FOXP2: variants seen among roughly 807,000 people sequenced by gnomAD.
FOXP2 encodes the protein forkhead box protein P2.
In FOXP2, 12 loss-of-function variants were observed where a neutral mutation model predicts 115.8. That is an observed-to-expected ratio of 0.10 (90% CI 0.07 to 0.17). The LOEUF (loss-of-function observed/expected upper bound fraction) is 0.17. Among genes scored for constraint, FOXP2 ranks in the 10% least tolerant of loss-of-function variants. FOXP2 has a pLI of 1.00. For missense variants in FOXP2, 629 were observed against 843.5 expected (o/e 0.75, Z 3.15); for synonymous variants, 328 against 297.7 (o/e 1.10, Z -1.05).
intron 1 of FOXP2, among the ~76,000 whole-genome samples, chr7:114,242,752 C>A (rs1217696629): frequency 6.6e-6 from 1 of 152,132 alleles, no homozygotes; most frequent in Non-Finnish European, 1.5e-5. Flanking sequence ...AAAGAACAGA[C>A]TCTCCTCTCT....
At chr7:114,186,882 C>T (rs1020791832) in intron 1 of FOXP2, among the ~76,000 whole-genome samples, 10 of 152,112 alleles carry the variant, frequency 6.6e-5, no homozygotes, top group Non-Finnish European at 1.2e-4. Flanking sequence ...AGCCATGACT[C>T]GGGGAGCCGA....
intron 2 of FOXP2, among the ~76,000 whole-genome samples, chr7:114,498,107 A>T (rs1797403583): frequency 6.6e-6 from 1 of 152,192 alleles, no homozygotes; most frequent in Non-Finnish European, 1.5e-5. Context: ...CACCTCTCAG[A>T]ATCCGTTGCT....
At chr7:114,270,159 T>A (rs1340300699) in intron 1 of FOXP2, among the ~76,000 whole-genome samples, 1 of 152,190 alleles carries the variant, frequency 6.6e-6, no homozygotes, top group African/African-American at 2.4e-5. Flanking sequence ...ATAACTCATT[T>A]CTTTTAGTGC....
chr7:114,507,035 C>T (rs1185204871), intron 2 of FOXP2, among the ~76,000 whole-genome samples: 1 of 151,702 alleles, frequency 6.6e-6, no homozygotes, highest in African/African-American at 2.4e-5. Flanking sequence ...CTATATTTAA[C>T]AATCTTTAAT....
chr7:114,330,201 T>A lies in FOXP2; in HGVS notation c.-11+42092T>A, dbSNP rs138762755. On this transcript the variant is annotated intron_variant, in intron 2 of 17. Coordinates refer to the FOXP2 transcript ENST00000634411. ...ACTTATTTTAAAATATTATTAGAGT[T>A]AAGGTTTAATATAGAATGGCTATTT... 4.0e-3 allele frequency among the ~76,000 whole-genome samples: 615 copies of A among 152,230 alleles called. 7 individuals carry two copies. The highest frequency in any genetic ancestry group is 0.014 in the African/African-American group (588 of 41,526).
intron 3 of FOXP2, among the ~76,000 whole-genome samples, chr7:114,595,596 G>A (rs965850945): frequency 6.6e-6 from 1 of 152,144 alleles, no homozygotes; most frequent in South Asian, 2.1e-4. Flanking sequence ...ATAGAGGTAA[G>A]TTGTTTGTAA....
At chr7:114,373,202 A>G (rs564401202) in intron 2 of FOXP2, among the ~76,000 whole-genome samples, 99 of 152,106 alleles carry the variant, frequency 6.5e-4, no homozygotes, top group African/African-American at 2.3e-3. Flanking sequence ...TTGTATTTTT[A>G]GTAGAGATGG....
Position 114,430,665 on chromosome 7 carries a change from A to T in FOXP2, c.168+3986A>T, listed in dbSNP as rs78768002. Among the ~76,000 whole-genome samples the T allele has an allele frequency of 8.1e-3, 1,238 of 151,910 alleles. 41 individuals are homozygous for T. In the East Asian group the frequency reaches 0.095, roughly 12 times the overall value. The stretch of plus-strand genomic sequence containing the variant: ...CTTTGGCATATTGGATTTATTGTTC[A>T]TTGTACTGTTGTTCAGAAAATTACA... On this transcript the variant is annotated intron_variant, in intron 2 of 16. Coordinates refer to ENST00000350908, the MANE Select transcript of FOXP2 (RefSeq NM_014491.4).
At chr7:114,387,572 C>T (rs750034858) in intron 2 of FOXP2, among the ~76,000 whole-genome samples, 15 of 152,012 alleles carry the variant, frequency 9.9e-5, no homozygotes, top group South Asian at 2.1e-4. Flanking sequence ...CTTTTTACAA[C>T]GTGTCTAACA....
chr7:114,567,094 T>C (rs1045110024), intron 3 of FOXP2, among the ~76,000 whole-genome samples: 2 of 152,130 alleles, frequency 1.3e-5, no homozygotes, highest in East Asian at 1.9e-4. Flanking sequence ...TACTGATAAG[T>C]TGAAGACAGA....
At chr7:114,221,092 A>G (rs906379219) in intron 1 of FOXP2, among the ~76,000 whole-genome samples, 7 of 152,152 alleles carry the variant, frequency 4.6e-5, no homozygotes, top group African/African-American at 1.7e-4. Context: ...TCTGTCACCA[A>G]TCTTTGGTTA....
chr7:114,392,958 G>A (rs1792640857), intron 2 of FOXP2, among the ~76,000 whole-genome samples: 1 of 152,126 alleles, frequency 6.6e-6, no homozygotes, highest in Non-Finnish European at 1.5e-5. Context: ...GCTTGGGGTG[G>A]ATTCAAGGCC....
At chr7:114,139,307 C>T (rs1792137296) in intron 1 of FOXP2, among the ~76,000 whole-genome samples, 1 of 152,130 alleles carries the variant, frequency 6.6e-6, no homozygotes. Context: ...CCGAGTTATT[C>T]TTGGACTCAG....
At chr7:114,645,616 A>G (rs1421075810) in intron 8 of FOXP2, 1 of 152,158 alleles carries the variant, frequency 6.6e-6, no homozygotes, top group East Asian at 1.9e-4. Flanking sequence ...TTATGTTGTC[A>G]TGGTGCAGCT....
chr7:114,374,607 G>A (rs1409331599), intron 2 of FOXP2, among the ~76,000 whole-genome samples: 2 of 152,132 alleles, frequency 1.3e-5, no homozygotes, highest in Non-Finnish European at 2.9e-5. Context: ...AAGGAATTAA[G>A]GAATTCCCGT....
chr7:114,652,394 C>A (rs1662397187), intron 9 of FOXP2, 104 bp downstream of exon 9: 2 of 898,880 alleles, frequency 2.2e-6, no homozygotes, highest in Non-Finnish European at 1.8e-6. Flanking sequence ...ACTGTCTTAG[C>A]CATTCAATAC....
Position 114,157,964 on chromosome 7 carries a change from T to C in FOXP2, c.-246-4980T>C, listed in dbSNP as rs552423422. ...GACACTTAGTATTCTTTGGTATATA[T>C]TTAAGAAACAATATTTAAGAAAACA... On this transcript the variant is annotated intron_variant, in intron 1 of 19. Transcript: ENST00000635638. Among the ~76,000 whole-genome samples, 7 of 152,162 alleles carry C rather than the reference T, an allele frequency of 4.6e-5. No homozygotes were observed. In the South Asian group the frequency reaches 1.5e-3, roughly 32 times the overall value.
intron 6 of FOXP2, among the ~76,000 whole-genome samples, chr7:114,635,804 A>G (rs1036510091): frequency 2.0e-5 from 3 of 152,136 alleles, no homozygotes; most frequent in Non-Finnish European, 4.4e-5. Flanking sequence ...CAGTGTGTCA[A>G]CTTTGCCATA....
At chr7:114,146,598 C>A (rs968484109) in intron 1 of FOXP2, among the ~76,000 whole-genome samples, 7 of 152,124 alleles carry the variant, frequency 4.6e-5, no homozygotes, top group African/African-American at 1.7e-4. Flanking sequence ...TTTATTTTCA[C>A]ACCTTTTAAG....
Sources: allele counts gnomAD v4.1 joint callset (sites outside exome capture counted in the v4.1 genomes callset), GRCh38; gene constraint gnomAD v4.1.1; transcripts MANE v1.5; gene names NCBI Gene and HGNC (gene_info 2026-07-23, HGNC 2026-07-21).